ANO3: variants seen among roughly 807,000 people sequenced by gnomAD.
The protein encoded by ANO3 is anoctamin-3.
ANO3 carries 99 observed loss-of-function variants against 144.8 expected under a neutral mutation model. The ratio of observed to expected loss-of-function variants is 0.68; its 90% CI spans 0.58 to 0.81. The LOEUF is 0.81. ANO3 is among the 30% of genes least tolerant of loss of function. The pLI is 0.00. For synonymous variants in ANO3, 414 were observed against 392.6 expected, an observed-to-expected ratio of 1.05 and a Z score of -0.64; for missense variants, 905 against 1,202.2, an observed-to-expected ratio of 0.75 and a Z score of 3.66.
At chr11:26,403,552 C>T (rs1002748958) in intron 1 of ANO3, among the ~76,000 whole-genome samples, 3 of 151,888 alleles carry the variant, frequency 2.0e-5, no homozygotes, top group Non-Finnish European at 4.4e-5. Flanking sequence ...CGGACTACTT[C>T]GGTAGCACCT....
chr11:26,476,903 ATGTGTGTG>A (rs61676196), intron 4 of ANO3, among the ~76,000 whole-genome samples: 2 of 141,426 alleles, frequency 1.4e-5, no homozygotes, highest in African/African-American at 2.6e-5. Flanking sequence ...GTGTGTGTGT[ATGTGTGTG>A]TGTGTGTGTG....
chr11:26,477,899 T>C (rs531820692), intron 4 of ANO3, among the ~76,000 whole-genome samples: 7 of 152,166 alleles, frequency 4.6e-5, no homozygotes, highest in Admixed American at 1.3e-4. Flanking sequence ...TTAACAGATA[T>C]ATGAACAGGG....
At chr11:26,403,902 G>T (rs368991731) in intron 1 of ANO3, among the ~76,000 whole-genome samples, 1 of 151,770 alleles carries the variant, frequency 6.6e-6, no homozygotes, top group African/African-American at 2.4e-5. Context: ...AGATATTTGT[G>T]TGCTTTGCTT....
chr11:26,230,457 G>T (rs571236452), intron 1 of ANO3, among the ~76,000 whole-genome samples: 9 of 151,922 alleles, frequency 5.9e-5, no homozygotes, highest in Non-Finnish European at 1.3e-4. Flanking sequence ...ATATTTCATT[G>T]GTTAATTTTG....
At chr11:26,344,221 G>C (rs755078962) in intron 1 of ANO3, among the ~76,000 whole-genome samples, 25 of 152,050 alleles carry the variant, frequency 1.6e-4, no homozygotes, top group Non-Finnish European at 2.9e-4. Flanking sequence ...TTAAAATAGA[G>C]TTGAAATTAC....
At chr11:26,204,135 C>A (rs1388256838) in intron 1 of ANO3, among the ~76,000 whole-genome samples, 1 of 152,078 alleles carries the variant, frequency 6.6e-6, no homozygotes, top group East Asian at 1.9e-4. Flanking sequence ...AAAACCTCTA[C>A]ACCCCCTCTG....
chr11:26,209,622 C>G (rs555060904), intron 1 of ANO3, among the ~76,000 whole-genome samples: 2 of 152,266 alleles, frequency 1.3e-5, no homozygotes, highest in South Asian at 4.1e-4. Flanking sequence ...AGTGTAAAAG[C>G]GTTCCTATTT....
intron 1 of ANO3, among the ~76,000 whole-genome samples, chr11:26,358,892 T>C (rs1406716567): frequency 6.6e-6 from 1 of 152,202 alleles, no homozygotes; most frequent in Non-Finnish European, 1.5e-5. Context: ...GTTTTTCTCA[T>C]AAAATTTTGT....
intron 1 of ANO3, among the ~76,000 whole-genome samples, chr11:26,293,022 G>T (rs115327319): frequency 0.014 from 2,129 of 152,256 alleles, 40 homozygotes; most frequent in African/African-American, 0.049. Context: ...CTGTAGACTG[G>T]AGCTGTTCCT....
At position 26,424,627 on chromosome 11, in the gene ANO3, A is replaced by AT. The variant is rs541003088; in HGVS notation, c.47-17289dup. The stretch of plus-strand genomic sequence containing the variant: ...GTCTGTTCTGCTAGAGTAACAGGCT[A>AT]TTCTCAACCAGGGCTCGGAAATAGA... On this transcript the variant is annotated intron_variant, in intron 1 of 26. Transcript: ENST00000256737. Among the ~76,000 whole-genome samples, 9 of 152,184 alleles carry AT rather than the reference A, an allele frequency of 5.9e-5. No homozygotes were observed. The South Asian group carries it at 1.9e-3, about 31-fold the overall frequency.
chr11:26,231,274 G>A (rs539274536), intron 1 of ANO3, among the ~76,000 whole-genome samples: 1 of 152,248 alleles, frequency 6.6e-6, no homozygotes, highest in South Asian at 2.1e-4. Context: ...CTTGGCCTAT[G>A]GTCAGGACCA....
chr11:26,364,349 A>C (rs1856005692), intron 1 of ANO3, among the ~76,000 whole-genome samples: 1 of 152,160 alleles, frequency 6.6e-6, no homozygotes, highest in South Asian at 2.1e-4. Context: ...GATTTTCAAA[A>C]ATTTTGGCAG....
chr11:26,393,350 G>A (rs1272245705), intron 1 of ANO3, among the ~76,000 whole-genome samples: 3 of 151,964 alleles, frequency 2.0e-5, no homozygotes, highest in African/African-American at 7.2e-5. Flanking sequence ...TCCTTTACTT[G>A]CCATTTTGTT....
At chr11:26,279,317 A>T (rs1318396612) in intron 1 of ANO3, among the ~76,000 whole-genome samples, 1 of 152,200 alleles carries the variant, frequency 6.6e-6, no homozygotes, top group Non-Finnish European at 1.5e-5. Context: ...CAAATAGTGC[A>T]CAAAAATAGA....
chr11:26,293,533 G>GTATATATA (rs59115569), intron 1 of ANO3, among the ~76,000 whole-genome samples: 3 of 25,952 alleles, frequency 1.2e-4, no homozygotes, highest in African/African-American at 4.1e-4. Context: ...TAAATTCCAT[G>GTATATATA]TATATATATA....
At chr11:26,619,898 A>G (rs1438650650) in intron 17 of ANO3, among the ~76,000 whole-genome samples, 1 of 152,260 alleles carries the variant, frequency 6.6e-6, no homozygotes, top group African/African-American at 2.4e-5. Context: ...AGCATTAGAA[A>G]ATCATTAAGA....
At chr11:26,505,594 C>A (rs1016832663) in intron 4 of ANO3, among the ~76,000 whole-genome samples, 4 of 152,116 alleles carry the variant, frequency 2.6e-5, no homozygotes, top group African/African-American at 9.7e-5. Flanking sequence ...AGGAGAAAAT[C>A]CAGACACATT....
At chr11:26,402,460 C>A (rs1366320955) in intron 1 of ANO3, among the ~76,000 whole-genome samples, 1 of 151,890 alleles carries the variant, frequency 6.6e-6, no homozygotes, top group Non-Finnish European at 1.5e-5. Flanking sequence ...AGTGTCTGTT[C>A]GGGTCCTTTG....
At chr11:26,322,049 A>C (rs1854772868) in intron 1 of ANO3, among the ~76,000 whole-genome samples, 3 of 151,824 alleles carry the variant, frequency 2.0e-5, no homozygotes, top group Admixed American at 1.3e-4. Context: ...TGTCTGTGTG[A>C]TGATTCTTAC....
Sources: gnomAD v4.1 joint callset for allele counts (sites outside exome capture counted in the v4.1 genomes callset) on GRCh38, gnomAD v4.1.1 for gene constraint, MANE v1.5 for transcripts, NCBI Gene and HGNC (gene_info 2026-07-23, HGNC 2026-07-21) for gene names.